Variants in INTS8 observed in about 807,000 individuals in gnomAD.
The protein encoded by INTS8 is protein kaonashi-1.
Under a neutral mutation model 138.9 loss-of-function variants are expected in INTS8, and 47 were observed. That is an observed-to-expected ratio of 0.34 (90% CI 0.27 to 0.43). INTS8 has a LOEUF of 0.43. INTS8 is among the 20% of genes least tolerant of loss of function. INTS8 has a pLI of 1.00. For missense variants in INTS8, 996 were observed against 1,173.0 expected, an observed-to-expected ratio of 0.85 and a Z score of 2.20; for synonymous variants, 392 against 400.9, an observed-to-expected ratio of 0.98 and a Z score of 0.27.
chr8:94,836,978 AT>A (rs1814949451), intron 7 of INTS8, among the ~76,000 whole-genome samples: 1 of 152,138 alleles, frequency 6.6e-6, no homozygotes, highest in African/African-American at 2.4e-5. Context: ...ATGTTTGGGC[AT>A]TTAGGTTTAT....
intron 10 of INTS8, among the ~76,000 whole-genome samples, chr8:94,844,919 ATT>A: frequency 6.6e-6 from 1 of 151,120 alleles, no homozygotes; most frequent in African/African-American, 2.4e-5. Context: ...CGCCTGGCTA[ATT>A]TTTTTTATTT....
In INTS8 at chr8:94,876,418, G is replaced by C. The variant is rs775843064; in HGVS notation, c.2828-28G>C. On this transcript the variant is annotated intron_variant, in intron 25 of 26. Transcript: ENST00000523731. ...TCTCTCATTATATTTAATACTATCA[G>C]ATTTATTTTCCTTAACTGATTCATT... The C allele has an allele frequency of 2.0e-6, 3 of 1,466,128 alleles. No homozygotes were observed. The Admixed American group carries it at 5.5e-5, about 27-fold the overall frequency. The allele number at this position is 1,466,128 out of a possible 1,614,324, so 90.8% of individuals were successfully genotyped here.
At chr8:94,834,544 C>T (rs1319392365) in intron 6 of INTS8, among the ~76,000 whole-genome samples, 4 of 151,944 alleles carry the variant, frequency 2.6e-5, no homozygotes, top group African/African-American at 9.6e-5. Flanking sequence ...CCTGTTTCTA[C>T]GAAAAACACA....
At chr8:94,879,549 C>G (rs1442515367) in intron 26 of INTS8, among the ~76,000 whole-genome samples, 1 of 151,038 alleles carries the variant, frequency 6.6e-6, no homozygotes, top group African/African-American at 2.4e-5. Flanking sequence ...GAGCTGAGAT[C>G]ACGCCATTGC....
chr8:94,823,393 C>A lies in INTS8; in HGVS notation c.-39C>A, dbSNP rs1412563799. On this transcript the variant is annotated 5_prime_UTR_variant, in exon 1 of 27. Coordinates refer to ENST00000523731, the MANE Select transcript of INTS8 (RefSeq NM_017864.4). Reference sequence around the variant, plus strand: ...CCCGCATCCAAGTGTCAGGTTGGAGCCGGGAAGCGGCCCTGGTGGTAGCGG... The same window carrying A: ...CCCGCATCCAAGTGTCAGGTTGGAGACGGGAAGCGGCCCTGGTGGTAGCGG... 6.6e-7 allele frequency: 1 copy of A among 1,510,320 alleles called. No individual in the cohort carries two copies. The highest frequency in any genetic ancestry group is 8.8e-7 in the Non-Finnish European group (1 of 1,132,036). 93.6% of individuals were successfully genotyped at this position (1,510,320 alleles called of 1,614,324 possible). A position where few individuals can be genotyped will look rare whatever the true frequency, so the allele number is the denominator to read the frequency against.
At chr8:94,842,587 C>G in intron 10 of INTS8, 99 bp downstream of exon 10, 1 of 983,176 alleles carries the variant, frequency 1.0e-6, no homozygotes, top group Admixed American at 2.6e-5. Context: ...TCCTGTCTGC[C>G]TTGCGTTTCT....
chr8:94,871,064 G>A (rs1353674721), intron 20 of INTS8, among the ~76,000 whole-genome samples: 1 of 152,182 alleles, frequency 6.6e-6, no homozygotes, highest in African/African-American at 2.4e-5. Context: ...CTCGAGGGGA[G>A]TCAGTAACTC....
intron 21 of INTS8, among the ~76,000 whole-genome samples, chr8:94,872,273 G>T (rs975729585): frequency 4.0e-5 from 6 of 151,888 alleles, no homozygotes; most frequent in Non-Finnish European, 8.8e-5. Context: ...TTGTTCTGTT[G>T]CCCAGGCTGG....
intron 21 of INTS8, among the ~76,000 whole-genome samples, chr8:94,872,916 A>G (rs1816447705): frequency 6.6e-6 from 1 of 152,188 alleles, no homozygotes; most frequent in South Asian, 2.1e-4. Flanking sequence ...CCGTGGGTCT[A>G]CCACCCAGCT....
At chr8:94,875,093 T>C (rs1441820838) in intron 23 of INTS8, among the ~76,000 whole-genome samples, 1 of 152,140 alleles carries the variant, frequency 6.6e-6, no homozygotes, top group Non-Finnish European at 1.5e-5. Context: ...TAAGAATTAC[T>C]ATATGACCCA....
At chr8:94,857,625 G>A (rs539397034) in intron 15 of INTS8, among the ~76,000 whole-genome samples, 21 of 152,250 alleles carry the variant, frequency 1.4e-4, no homozygotes, top group African/African-American at 4.6e-4. Context: ...CTTTCCTTGC[G>A]TCTTCCTAGC....
intron 26 of INTS8, among the ~76,000 whole-genome samples, chr8:94,876,969 A>G (rs1344349469): frequency 1.3e-5 from 2 of 152,198 alleles, no homozygotes; most frequent in African/African-American, 4.8e-5. Context: ...TTATAAAGTA[A>G]CAATTTCTGC....
At chr8:94,827,519 G>A in intron 3 of INTS8, 116 bp downstream of exon 3, 1 of 1,264,914 alleles carries the variant, frequency 7.9e-7, no homozygotes, top group Non-Finnish European at 1.1e-6. Context: ...TCAAATCTGG[G>A]GAACTGTGAG....
chr8:94,823,858 G>A (rs763522357), intron 1 of INTS8, among the ~76,000 whole-genome samples: 15 of 152,230 alleles, frequency 9.9e-5, no homozygotes, highest in Non-Finnish European at 2.1e-4. Context: ...AGGCTGCGAG[G>A]CGGGTCTTGT....
chr8:94,865,573 A>G lies in INTS8; in HGVS notation c.2144A>G (p.Lys715Arg), dbSNP rs771691156. Reference sequence around the variant, plus strand: ...CCTAAAGAAAGTAGACGGACTGCCAAAGACCTTTGGGAAGTTGTTGTTCAA... The same window carrying G: ...CCTAAAGAAAGTAGACGGACTGCCAGAGACCTTTGGGAAGTTGTTGTTCAA... ...PGPKESRRTA[K>R]DLWEVVVQIC... The change falls in exon 17 of 27, where the codon AAA (lysine) becomes AGA (arginine). Residue 715 changes from lysine (K) to arginine (R), a missense_variant. Lys to Arg is a conservative substitution (Grantham distance 26). Coordinates refer to ENST00000523731, the MANE Select transcript of INTS8 (RefSeq NM_017864.4). The G allele has an allele frequency of 2.5e-6, 4 of 1,614,176 alleles. No individual in the cohort carries two copies. The South Asian group carries it at 4.4e-5, about 18-fold the overall frequency.
chr8:94,823,703 C>G, intron 1 of INTS8, 142 bp downstream of exon 1: 1 of 653,882 alleles, frequency 1.5e-6, no homozygotes, highest in Non-Finnish European at 2.5e-6. Context: ...CCGGGCTCCT[C>G]GCTTCCCTTA....
chr8:94,880,336 GTTTTC>G lies in INTS8; in HGVS notation c.*108_*112del, dbSNP rs1184531536. The G allele has an allele frequency of 8.4e-6, 5 of 595,356 alleles. No individual in the cohort carries two copies. Among genetic ancestry groups the G allele is most frequent in the Admixed American group, 3.4e-5 (1 of 29,790 alleles). The allele number at this position is 595,356 out of a possible 1,614,324, so 36.9% of individuals were successfully genotyped here. On this transcript the variant is annotated 3_prime_UTR_variant, in exon 27 of 27. Coordinates refer to ENST00000523731, the MANE Select transcript of INTS8 (RefSeq NM_017864.4). ...AATACATATGTACACAATTAGTGGT[GTTTTC>G]TTTTCAGACAAAATACTGAAACAAA...
chr8:94,861,550 C>A (rs907865846), intron 16 of INTS8, among the ~76,000 whole-genome samples: 3 of 150,826 alleles, frequency 2.0e-5, no homozygotes, highest in African/African-American at 7.3e-5. Flanking sequence ...CGTGAGCCAT[C>A]GAGCCCGGCC....
chr8:94,850,913 A>C (rs1409467484), intron 12 of INTS8, among the ~76,000 whole-genome samples: 1 of 152,172 alleles, frequency 6.6e-6, no homozygotes, highest in East Asian at 1.9e-4. Flanking sequence ...TTCAACATTT[A>C]ATATAGATGA....
Sources: gnomAD v4.1 joint callset for allele counts (sites outside exome capture counted in the v4.1 genomes callset) on GRCh38, gnomAD v4.1.1 for gene constraint, MANE v1.5 for transcripts, NCBI Gene and HGNC (gene_info 2026-07-23, HGNC 2026-07-21) for gene names.